The following CAP2 variants were observed in gnomAD, a reference collection of about 807,000 sequenced individuals.
The protein encoded by CAP2 is adenylyl cyclase-associated protein 2.
Under a neutral mutation model 57.7 loss-of-function variants are expected in CAP2, and 24 were observed. That is an observed-to-expected ratio of 0.42 (90% CI 0.30 to 0.58). CAP2 has a LOEUF of 0.58. Among genes scored for constraint, CAP2 ranks in the 20% least tolerant of loss-of-function variants. CAP2 has a pLI of 0.22. For synonymous variants in CAP2, 194 were observed against 207.2 expected, an observed-to-expected ratio of 0.94 and a Z score of 0.55; for missense variants, 501 against 590.3, an observed-to-expected ratio of 0.85 and a Z score of 1.57.
chr6:17,431,635 T>C (rs868752336), intron 3 of CAP2, among the ~76,000 whole-genome samples: 13 of 152,104 alleles, frequency 8.5e-5, no homozygotes, highest in African/African-American at 3.1e-4. Context: ...GTTCAAAGAG[T>C]GGCAAAATGA....
At chr6:17,524,254 GA>G (rs1477818404) in intron 7 of CAP2, among the ~76,000 whole-genome samples, 2 of 152,240 alleles carry the variant, frequency 1.3e-5, no homozygotes, top group African/African-American at 4.8e-5. Flanking sequence ...TAGAATAGGT[GA>G]AAAATAGTCA....
At chr6:17,448,910 C>T (rs980407853) in intron 3 of CAP2, among the ~76,000 whole-genome samples, 1 of 152,090 alleles carries the variant, frequency 6.6e-6, no homozygotes, top group African/African-American at 2.4e-5. Flanking sequence ...TACAGACACC[C>T]ACCACCACGC....
chr6:17,435,989 G>A (rs962762397), intron 3 of CAP2, among the ~76,000 whole-genome samples: 2 of 152,170 alleles, frequency 1.3e-5, no homozygotes, highest in African/African-American at 4.8e-5. Flanking sequence ...GTCCTGGAAG[G>A]ATACTCATGG....
At chr6:17,527,765 T>C (rs1287289111) in intron 7 of CAP2, among the ~76,000 whole-genome samples, 2 of 152,156 alleles carry the variant, frequency 1.3e-5, no homozygotes, top group African/African-American at 2.4e-5. Flanking sequence ...TGGCTAATTT[T>C]TATATATTTT....
rs570007637 is a variant in CAP2, at chr6:17,498,265, G to C, written c.301-8904G>C. Among the ~76,000 whole-genome samples, 11 of 152,320 alleles carry C rather than the reference G, an allele frequency of 7.2e-5. No individual in the cohort carries two copies. In the East Asian group the frequency reaches 1.7e-3, roughly 24 times the overall value. On this transcript the variant is annotated intron_variant, in intron 4 of 12. Coordinates refer to ENST00000229922, the MANE Select transcript of CAP2 (RefSeq NM_006366.3). ...GAAGTGACAAAAAAACGTGTCTACTGTTCATTGTGTCAGTGGCCCCAAAAT... is the reference window on the plus strand; with the variant it reads ...GAAGTGACAAAAAAACGTGTCTACTCTTCATTGTGTCAGTGGCCCCAAAAT...
At chr6:17,537,545 A>C (rs2113695715) in intron 7 of CAP2, among the ~76,000 whole-genome samples, 1 of 152,300 alleles carries the variant, frequency 6.6e-6, no homozygotes, top group East Asian at 1.9e-4. Context: ...CTACAGATTA[A>C]GAATCGCTGA....
intron 2 of CAP2, among the ~76,000 whole-genome samples, chr6:17,424,686 C>T (rs577385598): frequency 1.3e-5 from 2 of 152,174 alleles, no homozygotes; most frequent in Non-Finnish European, 2.9e-5. Flanking sequence ...TTCATGGCCC[C>T]AAATTCTTTG....
chr6:17,459,348 A>G (rs1314805847), intron 3 of CAP2, among the ~76,000 whole-genome samples: 1 of 152,226 alleles, frequency 6.6e-6, no homozygotes, highest in Non-Finnish European at 1.5e-5. Context: ...AGCAGAAAGC[A>G]TTTAGCCCCC....
At chr6:17,550,447 T>C (rs1763144346) in intron 11 of CAP2, among the ~76,000 whole-genome samples, 1 of 125,366 alleles carries the variant, frequency 8.0e-6, no homozygotes, top group Admixed American at 1.0e-4. Flanking sequence ...TCCAACTCAG[T>C]GTTCAGTTTC....
At chr6:17,455,634 C>G (rs1760541666) in intron 3 of CAP2, among the ~76,000 whole-genome samples, 1 of 151,946 alleles carries the variant, frequency 6.6e-6, no homozygotes, top group Non-Finnish European at 1.5e-5. Context: ...CTCCCGGGTT[C>G]ATGCTGTTCT....
intron 11 of CAP2, among the ~76,000 whole-genome samples, chr6:17,543,842 T>C (rs914821629): frequency 2.0e-5 from 3 of 151,910 alleles, no homozygotes; most frequent in Non-Finnish European, 4.4e-5. Context: ...TACAGCTAAC[T>C]GGCCAGGCAT....
At chr6:17,428,580 C>G (rs1759647598) in intron 3 of CAP2, among the ~76,000 whole-genome samples, 1 of 138,358 alleles carries the variant, frequency 7.2e-6, no homozygotes, top group African/African-American at 2.8e-5. Flanking sequence ...ACAATGAGAT[C>G]ACATGGACAC....
chr6:17,482,952 G>A (rs149869186), intron 4 of CAP2, among the ~76,000 whole-genome samples: 5 of 152,340 alleles, frequency 3.3e-5, no homozygotes, highest in African/African-American at 4.8e-5. Flanking sequence ...TAATGCAGGC[G>A]TCATTTGGGC....
chr6:17,446,438 T>A (rs1166454157), intron 3 of CAP2, among the ~76,000 whole-genome samples: 2 of 152,212 alleles, frequency 1.3e-5, no homozygotes, highest in African/African-American at 4.8e-5. Context: ...TAGCAACCAT[T>A]ATTGGGGTTA....
chr6:17,539,009 T>C (rs1762838720), intron 7 of CAP2, among the ~76,000 whole-genome samples: 1 of 151,886 alleles, frequency 6.6e-6, no homozygotes, highest in Admixed American at 6.5e-5. Context: ...TTGCCTCTGA[T>C]TTGGCAGCAG....
At chr6:17,515,509 G>A (rs888405203) in intron 7 of CAP2, among the ~76,000 whole-genome samples, 16 of 152,058 alleles carry the variant, frequency 1.1e-4, no homozygotes, top group African/African-American at 3.6e-4. Context: ...ACTGGGTACT[G>A]TGCCTACTAC....
chr6:17,556,746 A>G lies in CAP2; in HGVS notation c.*304A>G, dbSNP rs1241849789. ...TCATATCATGAACACAGTAACTGAT[A>G]GGTAAAAAGACTGCATGATTCACTT... On this transcript the variant is annotated 3_prime_UTR_variant, in exon 13 of 13. Coordinates refer to ENST00000229922, the MANE Select transcript of CAP2 (RefSeq NM_006366.3). The G allele has an allele frequency of 3.2e-6, 1 of 309,504 alleles. No individual in the cohort carries two copies. Among genetic ancestry groups the G allele is most frequent in the Non-Finnish European group, 6.0e-6 (1 of 167,328 alleles). The allele number at this position is 309,504 out of a possible 1,614,324, so 19.2% of individuals were successfully genotyped here. A position where few individuals can be genotyped will look rare whatever the true frequency, so the allele number is the denominator to read the frequency against.
At chr6:17,520,808 T>C (rs972490210) in intron 7 of CAP2, among the ~76,000 whole-genome samples, 1 of 152,248 alleles carries the variant, frequency 6.6e-6, no homozygotes, top group African/African-American at 2.4e-5. Context: ...TTCCTCTTGC[T>C]ATTTACAAGA....
intron 7 of CAP2, among the ~76,000 whole-genome samples, chr6:17,525,900 T>C (rs902637557): frequency 1.3e-5 from 2 of 152,098 alleles, no homozygotes; most frequent in African/African-American, 4.8e-5. Context: ...CTTCCTAAAC[T>C]ATGAGCTCAT....
Sources: gnomAD v4.1 joint callset for allele counts (sites outside exome capture counted in the v4.1 genomes callset) on GRCh38, gnomAD v4.1.1 for gene constraint, MANE v1.5 for transcripts, NCBI Gene and HGNC (gene_info 2026-07-23, HGNC 2026-07-21) for gene names.